CDH13: variants seen among roughly 807,000 people sequenced by gnomAD.
CDH13 encodes cadherin 13.
Under a neutral mutation model 63.8 loss-of-function variants are expected in CDH13, and 24 were observed. That is an observed-to-expected ratio of 0.38 (90% CI 0.27 to 0.53). The LOEUF (loss-of-function observed/expected upper bound fraction) is 0.53. Among genes scored for constraint, CDH13 ranks in the 20% least tolerant of loss-of-function variants. CDH13 has a pLI of 0.85. For synonymous variants in CDH13, 503 were observed against 355.3 expected (o/e 1.42, Z -4.67); for missense variants, 1,049 against 903.1 (o/e 1.16, Z -2.07).
At chr16:82,715,383 G>C (rs918254846) in intron 1 of CDH13, among the ~76,000 whole-genome samples, 1 of 152,044 alleles carries the variant, frequency 6.6e-6, no homozygotes, top group African/African-American at 2.4e-5. Context: ...AGGCGGCCCC[G>C]CCCCATGCTC....
intron 6 of CDH13, among the ~76,000 whole-genome samples, chr16:83,350,521 C>G (rs182571212): frequency 1.2e-3 from 185 of 151,112 alleles, no homozygotes; most frequent in African/African-American, 2.9e-3. Context: ...AGCCCAGCCA[C>G]TTTCCCTCCC....
chr16:82,946,777 C>T (rs1041221827), intron 2 of CDH13, among the ~76,000 whole-genome samples: 1 of 151,958 alleles, frequency 6.6e-6, no homozygotes, highest in Admixed American at 6.6e-5. Context: ...CTCAAGGCAA[C>T]ATATCTGATT....
At position 83,267,612 on chromosome 16, in the gene CDH13, G is replaced by C. The variant is rs527951591; in HGVS notation, c.636+50115G>C. The stretch of plus-strand genomic sequence containing the variant: ...CAGGAGAGTGTTTGTTACCGCGGGA[G>C]TGGGCTCCCGGTAAAAGGATGAGTT... On this transcript the variant is annotated intron_variant, in intron 5 of 13. Coordinates refer to ENST00000567109, the MANE Select transcript of CDH13 (RefSeq NM_001257.5). Among the ~76,000 whole-genome samples, 6 of 152,250 alleles carry C rather than the reference G, an allele frequency of 3.9e-5. No homozygotes were observed. The East Asian group carries it at 1.2e-3, about 30-fold the overall frequency.
At chr16:82,698,442 C>G (rs377293763) in intron 1 of CDH13, among the ~76,000 whole-genome samples, 1 of 152,240 alleles carries the variant, frequency 6.6e-6, no homozygotes, top group Non-Finnish European at 1.5e-5. Context: ...AGTATATTAA[C>G]AAGCAGTGCT....
intron 2 of CDH13, among the ~76,000 whole-genome samples, chr16:83,015,950 A>G (rs1914752239): frequency 6.6e-6 from 1 of 151,860 alleles, no homozygotes; most frequent in African/African-American, 2.4e-5. Context: ...AAGCAGCACA[A>G]AAGCCTTCTG....
intron 2 of CDH13, among the ~76,000 whole-genome samples, chr16:83,011,854 C>G (rs1352281486): frequency 6.6e-6 from 1 of 152,188 alleles, no homozygotes; most frequent in Non-Finnish European, 1.5e-5. Context: ...CTGGATCTAC[C>G]TTTCTTTCTT....
intron 8 of CDH13, among the ~76,000 whole-genome samples, chr16:83,649,391 A>T (rs1261496068): frequency 6.6e-6 from 1 of 152,184 alleles, no homozygotes; most frequent in Non-Finnish European, 1.5e-5. Flanking sequence ...CACTTTAATC[A>T]CACAGTGGGA....
chr16:83,478,197 G>C (rs2073660522), intron 6 of CDH13, among the ~76,000 whole-genome samples: 1 of 151,616 alleles, frequency 6.6e-6, no homozygotes, highest in Non-Finnish European at 1.5e-5. Flanking sequence ...GGCTAGTCCA[G>C]ACTTGTATTT....
Position 82,670,995 on chromosome 16 carries a change from G to C in CDH13, c.45+43858G>C, listed in dbSNP as rs567521310. 3.9e-5 allele frequency among the ~76,000 whole-genome samples: 6 copies of C among 152,256 alleles called. No homozygotes were observed. In the South Asian group the frequency reaches 8.3e-4, roughly 21 times the overall value. On this transcript the variant is annotated intron_variant, in intron 1 of 13. Transcript: ENST00000567109. The stretch of plus-strand genomic sequence containing the variant: ...AACACAATGATGATTATCATGTATT[G>C]TTTAACTATGTGTCATACACTATGT...
chr16:83,033,076 T>C (rs1262286371), intron 3 of CDH13, among the ~76,000 whole-genome samples: 2 of 152,226 alleles, frequency 1.3e-5, no homozygotes, highest in African/African-American at 4.8e-5. Flanking sequence ...CAGGCATATG[T>C]ACCATATACT....
intron 4 of CDH13, among the ~76,000 whole-genome samples, chr16:83,211,119 G>A (rs923483278): frequency 5.4e-5 from 8 of 149,510 alleles, no homozygotes; most frequent in Non-Finnish European, 1.2e-4. Context: ...GTGCACTCCA[G>A]CCTGGGTGAC....
chr16:83,342,033 T>A (rs908337195), intron 5 of CDH13, among the ~76,000 whole-genome samples: 1 of 93,084 alleles, frequency 1.1e-5, no homozygotes, highest in African/African-American at 3.7e-5. Context: ...ACACACACAC[T>A]TTGTCAATCA....
intron 4 of CDH13, among the ~76,000 whole-genome samples, chr16:83,179,481 TAAAAAAAA>T (rs565547312): frequency 2.9e-5 from 2 of 69,096 alleles, no homozygotes; most frequent in Admixed American, 1.4e-4. Context: ...CCGTCTCTAC[TAAAAAAAA>T]AAAAAAAAAA....
At chr16:83,291,999 G>C (rs570874543) in intron 5 of CDH13, among the ~76,000 whole-genome samples, 1 of 152,248 alleles carries the variant, frequency 6.6e-6, no homozygotes, top group Admixed American at 6.5e-5. Flanking sequence ...ATTTGTATAG[G>C]AGAGTTAATT....
intron 3 of CDH13, among the ~76,000 whole-genome samples, chr16:83,102,965 T>TTTTTTTTTTTTTTTTTTTTTTTTTTC (rs2034570357): frequency 3.7e-5 from 4 of 107,836 alleles, no homozygotes; most frequent in Non-Finnish European, 7.3e-5. Context: ...TTTTTTTTTT[T>TTTTTTTTTTTTTTTTTTTTTTTTTTC]TTTTTGAGGT....
chr16:83,436,923 C>A (rs1242050902), intron 6 of CDH13, among the ~76,000 whole-genome samples: 2 of 152,190 alleles, frequency 1.3e-5, no homozygotes, highest in Non-Finnish European at 2.9e-5. Context: ...CCATCAGAGT[C>A]TCCATCAGAA....
At chr16:83,507,736 T>C (rs1414624188) in intron 7 of CDH13, among the ~76,000 whole-genome samples, 2 of 152,012 alleles carry the variant, frequency 1.3e-5, no homozygotes, top group Non-Finnish European at 2.9e-5. Context: ...ATGTTTTGCT[T>C]AGTAAAAAAT....
chr16:83,744,012 C>T (rs1015702426), intron 10 of CDH13, among the ~76,000 whole-genome samples: 1 of 152,046 alleles, frequency 6.6e-6, no homozygotes, highest in East Asian at 1.9e-4. Context: ...TGCTAAGCCT[C>T]TCTGATTCTT....
chr16:83,246,865 C>T (rs1482849785), intron 5 of CDH13, among the ~76,000 whole-genome samples: 1 of 152,190 alleles, frequency 6.6e-6, no homozygotes, highest in African/African-American at 2.4e-5. Context: ...CTACTCCAGT[C>T]CTTACAAGTG....
Sources: gnomAD v4.1 joint callset for allele counts (sites outside exome capture counted in the v4.1 genomes callset) on GRCh38, gnomAD v4.1.1 for gene constraint, MANE v1.5 for transcripts, NCBI Gene and HGNC (gene_info 2026-07-23, HGNC 2026-07-21) for gene names.